The following SLC26A7 variants were observed in gnomAD, a reference collection of about 807,000 sequenced individuals.
SLC26A7 encodes anion exchange transporter.
Under a neutral mutation model 82.5 loss-of-function variants are expected in SLC26A7, and 59 were observed. The observed-to-expected ratio is 0.72, with a 90% CI of 0.58 to 0.89. The LOEUF is 0.89. SLC26A7 is among the 40% of genes least tolerant of loss of function. The pLI is 0.00. For synonymous variants in SLC26A7, 271 were observed against 274.3 expected (o/e 0.99, Z 0.12); for missense variants, 820 against 793.0 (o/e 1.03, Z -0.41).
chr8:91,311,398 C>T (rs1296068459), intron 4 of SLC26A7, among the ~76,000 whole-genome samples: 1 of 151,956 alleles, frequency 6.6e-6, no homozygotes, highest in Non-Finnish European at 1.5e-5. Flanking sequence ...TCTGAGAACT[C>T]CTGACCTCCT....
At chr8:91,262,139 G>A (rs934678393) in intron 2 of SLC26A7, among the ~76,000 whole-genome samples, 8 of 152,148 alleles carry the variant, frequency 5.3e-5, no homozygotes, top group South Asian at 2.1e-4. Flanking sequence ...GTGGCACTGC[G>A]CCTGGAGATG....
intron 11 of SLC26A7, among the ~76,000 whole-genome samples, chr8:91,357,093 A>G (rs1350532726): frequency 6.6e-6 from 1 of 152,182 alleles, no homozygotes; most frequent in East Asian, 1.9e-4. Context: ...CTTTCACTCT[A>G]CAGTCATCTG....
intron 2 of SLC26A7, among the ~76,000 whole-genome samples, chr8:91,231,426 T>G (rs1050593183): frequency 6.6e-6 from 1 of 152,174 alleles, no homozygotes; most frequent in African/African-American, 2.4e-5. Flanking sequence ...AAGGCTCTTG[T>G]AATGGCGAGA....
intron 2 of SLC26A7, among the ~76,000 whole-genome samples, chr8:91,239,330 C>T (rs1427193075): frequency 6.9e-6 from 1 of 145,946 alleles, no homozygotes; most frequent in South Asian, 2.1e-4. Context: ...AGATCGCGTT[C>T]GCCCCACTGC....
intron 2 of SLC26A7, among the ~76,000 whole-genome samples, chr8:91,281,613 G>A (rs974415001): frequency 6.6e-6 from 1 of 152,106 alleles, no homozygotes; most frequent in Non-Finnish European, 1.5e-5. Flanking sequence ...CACAATATTA[G>A]GTATGCATTC....
At chr8:91,369,994 C>G (rs1177840809) in intron 15 of SLC26A7, among the ~76,000 whole-genome samples, 161 bp downstream of exon 15, 1 of 151,922 alleles carries the variant, frequency 6.6e-6, no homozygotes, top group Non-Finnish European at 1.5e-5. Context: ...CTCCTCCCTT[C>G]TACTGGCGTT....
chr8:91,344,808 A>G (rs1303168646), intron 9 of SLC26A7, among the ~76,000 whole-genome samples: 1 of 152,120 alleles, frequency 6.6e-6, no homozygotes, highest in Non-Finnish European at 1.5e-5. Context: ...TGGCGTAAAC[A>G]TTTTTGCAAA....
chr8:91,365,693 G>C (rs949565562), intron 13 of SLC26A7, among the ~76,000 whole-genome samples: 2 of 152,148 alleles, frequency 1.3e-5, no homozygotes, highest in Admixed American at 1.3e-4. Flanking sequence ...GGAAATGAGG[G>C]AACTGAGAGA....
intron 11 of SLC26A7, among the ~76,000 whole-genome samples, chr8:91,358,102 A>G (rs1813925932): frequency 6.6e-6 from 1 of 152,218 alleles, no homozygotes. Flanking sequence ...TTAAAAAGTC[A>G]GGAAACAACA....
chr8:91,365,797 C>T (rs1467413992), intron 13 of SLC26A7, among the ~76,000 whole-genome samples: 1 of 152,094 alleles, frequency 6.6e-6, no homozygotes, highest in Non-Finnish European at 1.5e-5. Flanking sequence ...TTTGCATCTC[C>T]TCTTCTATGG....
intron 7 of SLC26A7, 37 bp from the exon 8 acceptor site, chr8:91,340,367 A>C: frequency 6.3e-7 from 1 of 1,597,686 alleles, no homozygotes; most frequent in South Asian, 1.1e-5. Context: ...AAATTACATG[A>C]AGTTTGATGA....
In SLC26A7 at chr8:91,289,211, A is replaced by G; in HGVS notation, c.269A>G (p.Tyr90Cys). ...GGGTCTCTGTTTCCTGCCATAATTT[A>G]TGCCATATTTGGAATGGGACATCAT... ...LYGSLFPAIIYAIFGMGHHVA... is the reference protein window; with the variant it reads ...LYGSLFPAIICAIFGMGHHVA... The change falls in exon 3 of 19, where the codon TAT becomes TGT. Residue 90 changes from tyrosine to cysteine, a missense_variant. Tyr to Cys is a radical substitution (Grantham distance 194, BLOSUM62 -2). Transcript: ENST00000276609. The G allele has an allele frequency of 1.9e-6, 3 of 1,613,952 alleles. No individual in the cohort carries two copies. The highest frequency in any genetic ancestry group is 2.5e-6 in the Non-Finnish European group (3 of 1,179,866).
intron 4 of SLC26A7, among the ~76,000 whole-genome samples, chr8:91,299,274 T>C (rs1223991756): frequency 2.0e-5 from 3 of 152,168 alleles, no homozygotes; most frequent in Non-Finnish European, 4.4e-5. Flanking sequence ...TTTGACTTTA[T>C]TTTACTATGC....
chr8:91,255,268 T>C (rs1810771261), intron 2 of SLC26A7, among the ~76,000 whole-genome samples: 1 of 152,120 alleles, frequency 6.6e-6, no homozygotes, highest in South Asian at 2.1e-4. Flanking sequence ...AAACAAAAGA[T>C]GGATGTTCCT....
chr8:91,220,238 A>T (rs1353626917), intron 2 of SLC26A7, among the ~76,000 whole-genome samples: 1 of 152,184 alleles, frequency 6.6e-6, no homozygotes, highest in Non-Finnish European at 1.5e-5. Flanking sequence ...ACCAAGTACA[A>T]ATGAGCTCAT....
intron 4 of SLC26A7, among the ~76,000 whole-genome samples, chr8:91,302,168 T>C (rs900376908): frequency 1.3e-5 from 2 of 152,118 alleles, no homozygotes; most frequent in Non-Finnish European, 2.9e-5. Flanking sequence ...AGAAAAAATA[T>C]ATAGCCTTGA....
chr8:91,344,091 G>A (rs921800291), intron 9 of SLC26A7: 8 of 985,202 alleles, frequency 8.1e-6, no homozygotes, highest in South Asian at 4.7e-5. Context: ...TGGTAGTGGT[G>A]GAAAAGATAT....
intron 18 of SLC26A7, chr8:91,394,494 G>A (rs1808512290): frequency 7.6e-7 from 1 of 1,319,724 alleles, no homozygotes. Flanking sequence ...GATCTGAAGT[G>A]TCAAAGTTAT....
chr8:91,334,522 C>A, intron 6 of SLC26A7, 75 bp downstream of exon 6: 1 of 1,367,866 alleles, frequency 7.3e-7, no homozygotes, highest in Non-Finnish European at 9.9e-7. Flanking sequence ...CAGATGCTTA[C>A]TATATTGTCT....
Sources: allele counts gnomAD v4.1 joint callset (sites outside exome capture counted in the v4.1 genomes callset), GRCh38; gene constraint gnomAD v4.1.1; transcripts MANE v1.5; gene names NCBI Gene and HGNC (gene_info 2026-07-23, HGNC 2026-07-21).